Variants in CRY1 observed in about 807,000 individuals in gnomAD.
CRY1 encodes the protein cryptochrome circadian regulator 1.
Under a neutral mutation model 76.0 loss-of-function variants are expected in CRY1, and 45 were observed. The observed-to-expected ratio is 0.59, with a 90% CI of 0.47 to 0.76. The LOEUF (loss-of-function observed/expected upper bound fraction) is 0.76. Among genes scored for constraint, CRY1 ranks in the 30% least tolerant of loss-of-function variants. CRY1 has a pLI of 0.00. For synonymous variants in CRY1, 248 were observed against 244.0 expected (o/e 1.02, Z -0.15); for missense variants, 587 against 716.4 (o/e 0.82, Z 2.06).
chr12:107,045,819 G>A (rs1421912884), intron 1 of CRY1, among the ~76,000 whole-genome samples: 2 of 152,040 alleles, frequency 1.3e-5, no homozygotes, highest in African/African-American at 4.8e-5. Context: ...TGGGGTGCGG[G>A]GAGCGGGGGA....
intron 2 of CRY1, among the ~76,000 whole-genome samples, chr12:107,007,944 G>A (rs563790942): frequency 6.6e-6 from 1 of 152,248 alleles, no homozygotes; most frequent in East Asian, 1.9e-4. Context: ...ACGTAAGCCA[G>A]GGGGCTAAAG....
chr12:107,032,912 A>G (rs561020671), intron 1 of CRY1, among the ~76,000 whole-genome samples: 2 of 152,346 alleles, frequency 1.3e-5, no homozygotes, highest in East Asian at 3.9e-4. Context: ...AGAAAATGAT[A>G]AAGAACAGAA....
intron 3 of CRY1, 48 bp from the exon 4 acceptor site, chr12:107,001,996 C>T: frequency 6.7e-7 from 1 of 1,485,120 alleles, no homozygotes; most frequent in Non-Finnish European, 9.0e-7. Context: ...AAAGACAATA[C>T]ATTTTGGCTA....
At chr12:107,062,298 C>T (rs1230916807) in intron 1 of CRY1, among the ~76,000 whole-genome samples, 1 of 151,990 alleles carries the variant, frequency 6.6e-6, no homozygotes, top group East Asian at 1.9e-4. Context: ...GAAGATGAAA[C>T]AATTTTCACT....
At chr12:107,067,478 C>A (rs1360017544) in intron 1 of CRY1, among the ~76,000 whole-genome samples, 1 of 151,856 alleles carries the variant, frequency 6.6e-6, no homozygotes, top group Non-Finnish European at 1.5e-5. Context: ...TCGGCATGCA[C>A]AACTTTTATG....
At chr12:107,033,264 T>G (rs114969610) in intron 1 of CRY1, among the ~76,000 whole-genome samples, 3,473 of 152,212 alleles carry the variant, frequency 0.023, 48 homozygotes, top group African/African-American at 0.039. Context: ...AATCCATAGC[T>G]TAAAATCTTA....
At chr12:107,081,954 C>G (rs10735423) in intron 1 of CRY1, among the ~76,000 whole-genome samples, 105,564 of 151,728 alleles carry the variant, frequency 0.7, 37,518 homozygotes, top group East Asian at 0.97. Flanking sequence ...GACAGACAAA[C>G]ACAAAAAACT....
intron 12 of CRY1, 191 bp downstream of exon 12, chr12:106,992,596 G>C: frequency 2.0e-6 from 1 of 502,218 alleles, no homozygotes; most frequent in Non-Finnish European, 3.6e-6. Flanking sequence ...TAAAACTGGT[G>C]CAACAATTTC....
chr12:107,040,004 A>G (rs1431577311), intron 1 of CRY1, among the ~76,000 whole-genome samples: 3 of 152,320 alleles, frequency 2.0e-5, no homozygotes, highest in Non-Finnish European at 2.9e-5. Context: ...ACACAATGGA[A>G]TATTATTTGG....
At chr12:107,027,250 A>G (rs1952627225) in intron 1 of CRY1, among the ~76,000 whole-genome samples, 3 of 152,214 alleles carry the variant, frequency 2.0e-5, no homozygotes, top group Admixed American at 1.3e-4. Flanking sequence ...ATAGAAATGC[A>G]TGTGCTCTGG....
chr12:107,073,110 CATT>C (rs1953210853), intron 1 of CRY1: 1 of 151,994 alleles, frequency 6.6e-6, no homozygotes, highest in Non-Finnish European at 1.5e-5. Flanking sequence ...ATTACAAAAA[CATT>C]GTAAATATTT....
intron 2 of CRY1, among the ~76,000 whole-genome samples, chr12:107,011,118 G>T (rs370564105): frequency 1.4e-4 from 22 of 152,116 alleles, no homozygotes; most frequent in Non-Finnish European, 3.1e-4. Flanking sequence ...AGGCCAAGGC[G>T]GGCGGATCAC....
At chr12:107,019,403 T>C (rs1275073580) in intron 2 of CRY1, among the ~76,000 whole-genome samples, 3 of 152,100 alleles carry the variant, frequency 2.0e-5, no homozygotes, top group Non-Finnish European at 4.4e-5. Flanking sequence ...CAGAATAAAA[T>C]AATAAGTACT....
At chr12:107,066,884 C>T (rs1193130789) in intron 1 of CRY1, among the ~76,000 whole-genome samples, 1 of 152,096 alleles carries the variant, frequency 6.6e-6, no homozygotes, top group African/African-American at 2.4e-5. Flanking sequence ...ACCACACCCT[C>T]GACCTCACAT....
chr12:107,054,457 T>C (rs1168459521), intron 1 of CRY1, among the ~76,000 whole-genome samples: 1 of 151,462 alleles, frequency 6.6e-6, no homozygotes, highest in Non-Finnish European at 1.5e-5. Context: ...TTTAAAAGAA[T>C]ATTAAAAAAT....
At chr12:107,083,470 AG>A in intron 1 of CRY1, among the ~76,000 whole-genome samples, 1 of 152,364 alleles carries the variant, frequency 6.6e-6, no homozygotes, top group South Asian at 2.1e-4. Flanking sequence ...CGAATCTAGC[AG>A]CACATCAAAA....
chr12:107,047,658 C>T (rs1486716443), intron 1 of CRY1, among the ~76,000 whole-genome samples: 1 of 152,170 alleles, frequency 6.6e-6, no homozygotes, highest in Admixed American at 6.5e-5. Flanking sequence ...TTTGCTTCCC[C>T]TTCTGCCATG....
chr12:107,048,359 C>A (rs983908827), intron 1 of CRY1, among the ~76,000 whole-genome samples: 1 of 152,158 alleles, frequency 6.6e-6, no homozygotes. Context: ...GGATTACAGG[C>A]GTGCGCTACT....
chr12:107,050,629 A>G (rs1952907170), intron 1 of CRY1, among the ~76,000 whole-genome samples: 1 of 152,242 alleles, frequency 6.6e-6, no homozygotes, highest in African/African-American at 2.4e-5. Flanking sequence ...TATAGCCTAC[A>G]GAAGTGTGTG....
Sources: gnomAD v4.1 joint callset for allele counts (sites outside exome capture counted in the v4.1 genomes callset) on GRCh38, gnomAD v4.1.1 for gene constraint, MANE v1.5 for transcripts, NCBI Gene and HGNC (gene_info 2026-07-23, HGNC 2026-07-21) for gene names.